Variants in TSNARE1 observed in about 807,000 individuals in gnomAD.
TSNARE1 encodes the protein t-SNARE domain-containing protein 1.
In TSNARE1, 49 loss-of-function variants were observed where a neutral mutation model predicts 62.0. That is an observed-to-expected ratio of 0.79 (90% CI 0.63 to 1.00). The LOEUF (loss-of-function observed/expected upper bound fraction) is 1.00. Ranked by LOEUF, TSNARE1 falls within the 50% of genes least tolerant of loss-of-function variation. The pLI is 0.00. For missense variants in TSNARE1, 755 were observed against 700.1 expected (o/e 1.08, Z -0.88); for synonymous variants, 328 against 294.4 (o/e 1.11, Z -1.17).
intron 6 of TSNARE1, among the ~76,000 whole-genome samples, chr8:142,327,033 G>A (rs930005710): frequency 5.3e-5 from 8 of 152,174 alleles, no homozygotes; most frequent in South Asian, 2.1e-4. Context: ...GTAAAATGGG[G>A]CAGCTGCTTT....
chr8:142,364,003 C>T (rs941750689), intron 1 of TSNARE1, among the ~76,000 whole-genome samples: 1 of 152,222 alleles, frequency 6.6e-6, no homozygotes, highest in East Asian at 1.9e-4. Context: ...ACCAGGAATT[C>T]TCTAACTGAA....
At chr8:142,350,111 C>A (rs1392387135) in intron 2 of TSNARE1, among the ~76,000 whole-genome samples, 2 of 99,230 alleles carry the variant, frequency 2.0e-5, no homozygotes, top group Non-Finnish European at 3.7e-5. Flanking sequence ...GCAGGCAGGG[C>A]AGGCAAGGCT....
chr8:142,370,848 C>CAA (rs57904767), intron 1 of TSNARE1, among the ~76,000 whole-genome samples: 77 of 131,166 alleles, frequency 5.9e-4, no homozygotes, highest in Middle Eastern at 7.9e-3. Flanking sequence ...AAACAAAAAA[C>CAA]AAAAAAAAAA....
At chr8:142,228,484 T>C (rs1049283131) in intron 13 of TSNARE1, among the ~76,000 whole-genome samples, 3 of 152,198 alleles carry the variant, frequency 2.0e-5, no homozygotes, top group African/African-American at 7.2e-5. Flanking sequence ...TGATGAGCTC[T>C]CCTCACTGAC....
At chr8:142,233,307 CT>C (rs1381206124) in intron 12 of TSNARE1, among the ~76,000 whole-genome samples, 2 of 152,318 alleles carry the variant, frequency 1.3e-5, no homozygotes, top group African/African-American at 4.8e-5. Flanking sequence ...ATGGGAGGGC[CT>C]AGGACCCAAG....
intron 6 of TSNARE1, among the ~76,000 whole-genome samples, chr8:142,327,449 G>A (rs1198118927): frequency 6.6e-6 from 1 of 152,194 alleles, no homozygotes; most frequent in Non-Finnish European, 1.5e-5. Context: ...TGGTGAATGG[G>A]TCCATCCTTA....
At position 142,214,922 on chromosome 8, in the gene TSNARE1, C is replaced by T. The variant is rs1815757938; in HGVS notation, c.*12-2609G>A. 3.3e-5 allele frequency among the ~76,000 whole-genome samples: 5 copies of T among 152,210 alleles called. No homozygotes were observed. In the South Asian group the frequency reaches 1.0e-3, roughly 31 times the overall value. Reference sequence around the variant, plus strand: ...GCAGTTTCTTCTGTGGTAGAAGCCGCCTGTGGTGCTTGGTTACAGCAGCTG... The same window carrying T: ...GCAGTTTCTTCTGTGGTAGAAGCCGTCTGTGGTGCTTGGTTACAGCAGCTG... On this transcript the variant is annotated intron_variant, in intron 13 of 13. Transcript: ENST00000524325.
intron 1 of TSNARE1, among the ~76,000 whole-genome samples, chr8:142,387,510 A>C (rs1237364950): frequency 1.3e-5 from 2 of 152,154 alleles, no homozygotes; most frequent in African/African-American, 2.4e-5. Context: ...AAAACAATAA[A>C]ATGGAAACTA....
intron 12 of TSNARE1, among the ~76,000 whole-genome samples, chr8:142,239,843 T>C (rs1395397461): frequency 1.3e-5 from 2 of 152,180 alleles, no homozygotes; most frequent in African/African-American, 4.8e-5. Context: ...TTAACAATGG[T>C]GGATGGGACC....
At chr8:142,213,440 T>G (rs1275458741) in intron 13 of TSNARE1, among the ~76,000 whole-genome samples, 1 of 151,230 alleles carries the variant, frequency 6.6e-6, no homozygotes, top group African/African-American at 2.4e-5. Context: ...ATGACTTTTT[T>G]GCAGCAAGCA....
chr8:142,401,943 C>A (rs1487544901), intron 1 of TSNARE1, among the ~76,000 whole-genome samples: 1 of 152,154 alleles, frequency 6.6e-6, no homozygotes, highest in Non-Finnish European at 1.5e-5. Flanking sequence ...AATACTGTGT[C>A]CACACTGGGA....
At chr8:142,305,551 C>T (rs1243330422) in intron 9 of TSNARE1, among the ~76,000 whole-genome samples, 5 of 152,120 alleles carry the variant, frequency 3.3e-5, no homozygotes, top group Admixed American at 2.0e-4. Context: ...GCGGGAGGAT[C>T]GGGGGCCTGG....
At chr8:142,289,621 C>A (rs1823411617) in intron 10 of TSNARE1, among the ~76,000 whole-genome samples, 1 of 152,174 alleles carries the variant, frequency 6.6e-6, no homozygotes, top group Non-Finnish European at 1.5e-5. Context: ...GAGGCCTGCA[C>A]TAGAGGCCCC....
chr8:142,270,642 G>A lies in TSNARE1; in HGVS notation c.1446+4139C>T, dbSNP rs1288122022. ...CCACCAAAGGGACAGGGGCTTTCAGGAGTCACACCAGATCACGCTTGGGAC... is the reference window on the plus strand; with the variant it reads ...CCACCAAAGGGACAGGGGCTTTCAGAAGTCACACCAGATCACGCTTGGGAC... On this transcript the variant is annotated intron_variant, in intron 12 of 13. Transcript: ENST00000524325. 5 of 985,344 alleles carry A rather than the reference G, an allele frequency of 5.1e-6. No individual in the cohort carries two copies. The East Asian group carries it at 4.6e-4, about 90-fold the overall frequency. The allele number at this position is 985,344 out of a possible 1,614,324, so 61.0% of individuals were successfully genotyped here. A position where few individuals can be genotyped will look rare whatever the true frequency, so the allele number is the denominator to read the frequency against.
intron 2 of TSNARE1, among the ~76,000 whole-genome samples, chr8:142,354,130 G>T (rs1184596747): frequency 6.6e-6 from 1 of 152,134 alleles, no homozygotes; most frequent in Non-Finnish European, 1.5e-5. Flanking sequence ...CAGGGTGGGG[G>T]TGGATGAGGT....
Position 142,325,870 on chromosome 8 carries a change from G to A in TSNARE1, c.893+5031C>T, listed in dbSNP as rs543191449. Among the ~76,000 whole-genome samples, 311 of 142,286 alleles carry A rather than the reference G, an allele frequency of 2.2e-3. 2 individuals carry two copies. The highest frequency in any genetic ancestry group is 0.013 in the South Asian group (55 of 4,242). 93.3% of individuals were successfully genotyped at this position (142,286 alleles called of 152,430 possible). A position where few individuals can be genotyped will look rare whatever the true frequency, so the allele number is the denominator to read the frequency against. Reference sequence around the variant, plus strand: ...GAGGAACCAGCACCAGTGAAGGGGAGGGGCCCCAGAGAGCACGAGACGGAT... The same window carrying A: ...GAGGAACCAGCACCAGTGAAGGGGAAGGGCCCCAGAGAGCACGAGACGGAT... On this transcript the variant is annotated intron_variant, in intron 6 of 13. Transcript: ENST00000524325.
chr8:142,390,021 A>C (rs1428294251), intron 1 of TSNARE1, among the ~76,000 whole-genome samples: 1 of 152,262 alleles, frequency 6.6e-6, no homozygotes, highest in African/African-American at 2.4e-5. Context: ...GCTGTAGGCA[A>C]CTGTAACAGA....
At chr8:142,388,131 A>G (rs558199718) in intron 1 of TSNARE1, among the ~76,000 whole-genome samples, 2 of 152,314 alleles carry the variant, frequency 1.3e-5, no homozygotes, top group East Asian at 1.9e-4. Context: ...AATTCACTAT[A>G]TTAATATGTC....
chr8:142,314,079 A>ACG (rs1020969565), intron 9 of TSNARE1, among the ~76,000 whole-genome samples: 2 of 152,142 alleles, frequency 1.3e-5, no homozygotes, highest in African/African-American at 4.8e-5. Flanking sequence ...GCGCCCGGCC[A>ACG]CGTGTGTGTG....
Sources: allele counts gnomAD v4.1 joint callset (sites outside exome capture counted in the v4.1 genomes callset), GRCh38; gene constraint gnomAD v4.1.1; transcripts MANE v1.5; gene names NCBI Gene and HGNC (gene_info 2026-07-23, HGNC 2026-07-21).